Variants in FARS2 observed in about 807,000 individuals in gnomAD.
The protein encoded by FARS2 is phenylalanyl-tRNA synthetase 2, mitochondrial.
FARS2 carries 40 observed loss-of-function variants against 46.4 expected under a neutral mutation model. That is an observed-to-expected ratio of 0.86 (90% CI 0.67 to 1.12). The LOEUF (loss-of-function observed/expected upper bound fraction) is 1.12. Among genes scored for constraint, FARS2 ranks in the 50% most tolerant of loss-of-function variants. The probability of loss-of-function intolerance (pLI) is 0.00; values close to 1 mark genes in which losing one functional copy is unlikely to be tolerated. For synonymous variants in FARS2, 234 were observed against 214.9 expected, an observed-to-expected ratio of 1.09 and a Z score of -0.78; for missense variants, 513 against 567.9, an observed-to-expected ratio of 0.90 and a Z score of 0.98.
chr6:5,531,929 T>A (rs1769866135), intron 4 of FARS2, among the ~76,000 whole-genome samples: 1 of 152,214 alleles, frequency 6.6e-6, no homozygotes, highest in South Asian at 2.1e-4. Context: ...TGTCCATCAT[T>A]GTAACTAACA....
In FARS2 at chr6:5,562,082, T is replaced by G. The variant is rs542372216; in HGVS notation, c.1065+16742T>G. On this transcript the variant is annotated intron_variant, in intron 5 of 6. Transcript: ENST00000274680. The stretch of plus-strand genomic sequence containing the variant: ...TACTTGTTTTAAAGCCTTTAGCTAT[T>G]CTGTATTATTTTTTATCTAAAATGA... Among the ~76,000 whole-genome samples the G allele has an allele frequency of 2.0e-5, 3 of 152,302 alleles. No individual in the cohort carries two copies. The South Asian group carries it at 6.2e-4, about 32-fold the overall frequency.
intron 4 of FARS2, among the ~76,000 whole-genome samples, chr6:5,436,682 A>C (rs1763538979): frequency 6.6e-6 from 1 of 152,186 alleles, no homozygotes; most frequent in African/African-American, 2.4e-5. Flanking sequence ...ATGGTCTTTG[A>C]ATTGGGCCTT....
At chr6:5,547,161 A>G (rs2150506613) in intron 5 of FARS2, among the ~76,000 whole-genome samples, 1 of 152,210 alleles carries the variant, frequency 6.6e-6, no homozygotes, top group African/African-American at 2.4e-5. Flanking sequence ...CATGTTGGCC[A>G]GGCTGGTCTC....
chr6:5,557,666 T>C (rs1238654612), intron 5 of FARS2, among the ~76,000 whole-genome samples: 2 of 152,164 alleles, frequency 1.3e-5, no homozygotes, highest in African/African-American at 2.4e-5. Context: ...TGGTCACTTA[T>C]GAAATGGATG....
intron 1 of FARS2, among the ~76,000 whole-genome samples, chr6:5,290,012 TAGAG>T (rs1202734369): frequency 6.6e-6 from 1 of 152,184 alleles, no homozygotes; most frequent in Non-Finnish European, 1.5e-5. Flanking sequence ...AAAAGCTAGT[TAGAG>T]AGTGTAAAAT....
chr6:5,599,884 T>G (rs1404163802), intron 5 of FARS2, among the ~76,000 whole-genome samples: 2 of 151,650 alleles, frequency 1.3e-5, no homozygotes, highest in Non-Finnish European at 2.9e-5. Flanking sequence ...TCAGGCTTGC[T>G]TCTTTTTTTT....
chr6:5,334,935 C>T (rs1337088539), intron 1 of FARS2, among the ~76,000 whole-genome samples: 2 of 152,164 alleles, frequency 1.3e-5, no homozygotes, highest in African/African-American at 4.8e-5. Context: ...TGCTTCCCAG[C>T]TCCATGTGTA....
intron 1 of FARS2, among the ~76,000 whole-genome samples, chr6:5,326,541 G>A (rs1474009119): frequency 2.0e-5 from 3 of 152,110 alleles, no homozygotes; most frequent in African/African-American, 4.8e-5. Flanking sequence ...CTGGTCTCCC[G>A]CCCTGACTGG....
At chr6:5,622,286 G>A (rs899802745) in intron 6 of FARS2, among the ~76,000 whole-genome samples, 1 of 152,240 alleles carries the variant, frequency 6.6e-6, no homozygotes, top group Admixed American at 6.5e-5. Flanking sequence ...CCACCGGTCA[G>A]CTCCATGTGT....
At chr6:5,594,055 G>C (rs9502319) in intron 5 of FARS2, among the ~76,000 whole-genome samples, 104,074 of 152,084 alleles carry the variant, frequency 0.68, 36,233 homozygotes, top group African/African-American at 0.8. Context: ...ACCTAGTTGG[G>C]AGTTCTCTTC....
intron 2 of FARS2, among the ~76,000 whole-genome samples, chr6:5,401,350 C>T (rs1256112165): frequency 6.6e-6 from 1 of 151,998 alleles, no homozygotes; most frequent in Non-Finnish European, 1.5e-5. Context: ...TTTAAAGTCC[C>T]TTATCCCTCA....
intron 1 of FARS2, among the ~76,000 whole-genome samples, chr6:5,310,136 C>G (rs765897547): frequency 1.3e-5 from 2 of 152,010 alleles, no homozygotes; most frequent in Non-Finnish European, 2.9e-5. Flanking sequence ...TTTCAAATCA[C>G]TAGGGAAAGT....
chr6:5,257,285 A>AGTGCT (rs1277446427), upstream of FARS2, among the ~76,000 whole-genome samples: 1 of 152,020 alleles, frequency 6.6e-6, no homozygotes, highest in Non-Finnish European at 1.5e-5. Context: ...CCTCCCTGGC[A>AGTGCT]GTGCTGTGCT....
At chr6:5,625,650 G>T (rs1361573430) in intron 6 of FARS2, among the ~76,000 whole-genome samples, 1 of 152,234 alleles carries the variant, frequency 6.6e-6, no homozygotes, top group Non-Finnish European at 1.5e-5. Flanking sequence ...GGGCAGATGA[G>T]TGGTCACAGA....
chr6:5,387,203 G>A (rs1186780796), intron 2 of FARS2, among the ~76,000 whole-genome samples: 1 of 152,170 alleles, frequency 6.6e-6, no homozygotes, highest in African/African-American at 2.4e-5. Flanking sequence ...AGAGATTACT[G>A]GTACAAGAGA....
intron 4 of FARS2, among the ~76,000 whole-genome samples, chr6:5,483,342 C>G (rs1358787792): frequency 6.6e-6 from 1 of 152,086 alleles, no homozygotes; most frequent in Admixed American, 6.6e-5. Flanking sequence ...TTGGAGCAAC[C>G]CAAAGTAATT....
At chr6:5,394,811 A>C (rs1459320978) in intron 2 of FARS2, among the ~76,000 whole-genome samples, 1 of 152,056 alleles carries the variant, frequency 6.6e-6, no homozygotes, top group African/African-American at 2.4e-5. Context: ...AAATAACTGC[A>C]ATATAAAAAG....
upstream of FARS2, chr6:5,261,038 C>G (rs900737566): frequency 4.6e-6 from 4 of 863,670 alleles, no homozygotes; most frequent in Non-Finnish European, 5.7e-6. Context: ...ACCCAGCAGC[C>G]GCTCCACGCG....
intron 4 of FARS2, 66 bp from the exon 5 acceptor site, chr6:5,545,114 G>A: frequency 1.4e-6 from 2 of 1,469,328 alleles, no homozygotes; most frequent in Non-Finnish European, 1.9e-6. Context: ...TAACTGTCAG[G>A]GAGTGGTATG....
Sources: gnomAD v4.1 joint callset for allele counts (sites outside exome capture counted in the v4.1 genomes callset) on GRCh38, gnomAD v4.1.1 for gene constraint, MANE v1.5 for transcripts, NCBI Gene and HGNC (gene_info 2026-07-23, HGNC 2026-07-21) for gene names.